Variants in TNNT3 observed in about 807,000 individuals in gnomAD.
TNNT3 encodes the protein troponin T3, fast skeletal type, also known as troponin T, fast skeletal muscle.
In TNNT3, 36 loss-of-function variants were observed where a neutral mutation model predicts 54.2. That is an observed-to-expected ratio of 0.66 (90% CI 0.51 to 0.88). The LOEUF (loss-of-function observed/expected upper bound fraction) is 0.88. TNNT3 is among the 40% of genes least tolerant of loss of function. The probability of loss-of-function intolerance (pLI) is 0.00; values close to 1 mark genes in which losing one functional copy is unlikely to be tolerated. For missense variants in TNNT3, 291 were observed against 331.6 expected, an observed-to-expected ratio of 0.88 and a Z score of 0.95; for synonymous variants, 120 against 109.7, an observed-to-expected ratio of 1.09 and a Z score of -0.59.
At chr11:1,935,188 A>G in intron 14 of TNNT3, 1 of 552,736 alleles carries the variant, frequency 1.8e-6, no homozygotes, top group East Asian at 3.2e-5. Context: ...CCCTGCCAAA[A>G]GGACTGTCGT....
In TNNT3 at chr11:1,937,010, A is replaced by G; in HGVS notation, c.722+7A>G. 1 of 1,598,044 alleles carries G rather than the reference A, an allele frequency of 6.3e-7. No homozygotes were observed. Among genetic ancestry groups the G allele is most frequent in the South Asian group, 1.1e-5 (1 of 88,794 alleles). ...TTGACCAGGCCCAGAAGCAGTGAGT[A>G]GCCCTGCCGTCCTCGCTCCGCACTG... On this transcript the variant is annotated splice_region_variant and intron_variant, in intron 15 of 15. Transcript: ENST00000278317.
intron 14 of TNNT3, chr11:1,935,457 G>A (rs753890831): frequency 6.5e-5 from 14 of 213,926 alleles, no homozygotes; most frequent in South Asian, 2.4e-4. Flanking sequence ...GACTGTGCCC[G>A]TCTGGGACGG....
chr11:1,923,676 C>A, intron 4 of TNNT3, 104 bp downstream of exon 4: 1 of 810,948 alleles, frequency 1.2e-6, no homozygotes, highest in South Asian at 1.4e-5. Context: ...TGCTCCAGGC[C>A]GCCTTGAGCT....
chr11:1,926,367 G>A, intron 5 of TNNT3: 1 of 1,460,734 alleles, frequency 6.8e-7, no homozygotes. Flanking sequence ...CCCACCCTCG[G>A]CCTCGAGTGG....
At chr11:1,934,756 C>A in intron 13 of TNNT3, 73 bp from the exon 14 acceptor site, 1 of 1,594,214 alleles carries the variant, frequency 6.3e-7, no homozygotes, top group Non-Finnish European at 8.6e-7. Context: ...CCAGTGGCTG[C>A]AGGAGGACTC....
chr11:1,937,756 ACCTCACGG>A (rs1855558229), intron 15 of TNNT3, among the ~76,000 whole-genome samples: 1 of 152,020 alleles, frequency 6.6e-6, no homozygotes, highest in South Asian at 2.1e-4. Context: ...GGTGCACGTG[ACCTCACGG>A]CCTCCCTGTT....
chr11:1,923,530 C>A (rs1160586204), intron 3 of TNNT3, 25 bp from the exon 4 acceptor site: 2 of 1,613,854 alleles, frequency 1.2e-6, no homozygotes, highest in African/African-American at 2.7e-5. Context: ...AACGTGGTTC[C>A]CCTCTTTGTT....
In TNNT3 at chr11:1,931,018, T is replaced by A. The variant is rs1187175527; in HGVS notation, c.125+1190T>A. On this transcript the variant is annotated intron_variant, in intron 8 of 15. Coordinates refer to ENST00000278317, the MANE Select transcript of TNNT3 (RefSeq NM_006757.4). ...ATGCATAGCGCTTGGAAAAAAAAGA[T>A]TTAAAGTCGGCCTTGTTTTTCAAAC... 3.3e-5 allele frequency among the ~76,000 whole-genome samples: 5 copies of A among 152,296 alleles called. No homozygotes were observed. The East Asian group carries it at 9.6e-4, about 29-fold the overall frequency.
At chr11:1,923,486 C>T (rs1850645433) in intron 3 of TNNT3, 69 bp from the exon 4 acceptor site, 1 of 1,555,300 alleles carries the variant, frequency 6.4e-7, no homozygotes, top group Non-Finnish European at 8.9e-7. Flanking sequence ...ACTGGCCTCT[C>T]ATCCTCCTCC....
intron 15 of TNNT3, among the ~76,000 whole-genome samples, chr11:1,937,806 A>G (rs1480630446): frequency 1.3e-5 from 2 of 152,060 alleles, no homozygotes; most frequent in African/African-American, 4.8e-5. Flanking sequence ...GACCCCTCTG[A>G]GGGTGGGCAG....
At chr11:1,932,375 A>G (rs1853640020) in intron 8 of TNNT3, 94 bp from the exon 9 acceptor site, 11 of 1,213,830 alleles carry the variant, frequency 9.1e-6, no homozygotes, top group Admixed American at 3.4e-5. Context: ...GGAGGGCACC[A>G]GGGTTGGCAG....
intron 7 of TNNT3, 110 bp downstream of exon 7, chr11:1,929,253 C>T: frequency 7.4e-7 from 1 of 1,346,142 alleles, no homozygotes; most frequent in South Asian, 1.2e-5. Flanking sequence ...TCCCTCTGTC[C>T]TCTTTCTCTT....
chr11:1,937,890 G>A (rs1855611038), intron 15 of TNNT3, among the ~76,000 whole-genome samples: 1 of 152,178 alleles, frequency 6.6e-6, no homozygotes. Flanking sequence ...GTGTGTGAGG[G>A]CACGGCCTTT....
At chr11:1,922,923 T>G (rs1468785228) in intron 2 of TNNT3, 32 bp downstream of exon 2, 1 of 1,613,806 alleles carries the variant, frequency 6.2e-7, no homozygotes, top group South Asian at 1.1e-5. Flanking sequence ...GCCCCCTGCC[T>G]GGCTCGGGAC....
intron 7 of TNNT3, 126 bp downstream of exon 7, chr11:1,929,269 G>C (rs1589945817): frequency 8.0e-7 from 1 of 1,256,032 alleles, no homozygotes; most frequent in East Asian, 2.3e-5. Context: ...CTCTTCCCCT[G>C]GCACGGGGGC....
At chr11:1,936,866 G>A (rs1035894452) in intron 14 of TNNT3, 97 bp from the exon 15 acceptor site, 10 of 1,350,946 alleles carry the variant, frequency 7.4e-6, no homozygotes, top group African/African-American at 7.2e-5. Context: ...CCTGGGTCGC[G>A]CAGCCCAGCC....
At chr11:1,931,280 G>A (rs1853269967) in intron 8 of TNNT3, among the ~76,000 whole-genome samples, 2 of 152,110 alleles carry the variant, frequency 1.3e-5, no homozygotes, top group Non-Finnish European at 1.5e-5. Context: ...GGTTATTTCC[G>A]TAGGCCACAT....
In TNNT3 at chr11:1,932,544, C is replaced by G. The variant is rs575836860; in HGVS notation, c.171+30C>G. 5.0e-6 allele frequency: 8 copies of G among 1,610,738 alleles called. No individual in the cohort carries two copies. In the South Asian group the frequency reaches 7.7e-5, roughly 15 times the overall value. Reference sequence around the variant, plus strand: ...GTTTACAGGACTCTGGTTAACATGTCCACGGTTTCCCCACACCCCAGCTTT... The same window carrying G: ...GTTTACAGGACTCTGGTTAACATGTGCACGGTTTCCCCACACCCCAGCTTT... On this transcript the variant is annotated intron_variant, in intron 9 of 15. Coordinates refer to ENST00000278317, the MANE Select transcript of TNNT3 (RefSeq NM_006757.4).
In TNNT3 at chr11:1,938,691, T is replaced by G; in HGVS notation, c.*199T>G. 1 of 689,804 alleles carries G rather than the reference T, an allele frequency of 1.4e-6. No individual in the cohort carries two copies. Among genetic ancestry groups the G allele is most frequent in the Non-Finnish European group, 2.6e-6 (1 of 377,420 alleles). 42.7% of individuals were successfully genotyped at this position (689,804 alleles called of 1,614,324 possible). The stretch of plus-strand genomic sequence containing the variant: ...ATCCCCTGGGGCCTGTGAATAAAGC[T>G]GCAGAACCCCCTTCACAGTCTGTAC... On this transcript the variant is annotated 3_prime_UTR_variant, in exon 16 of 16. Transcript: ENST00000278317.
Sources: allele counts gnomAD v4.1 joint callset (sites outside exome capture counted in the v4.1 genomes callset), GRCh38; gene constraint gnomAD v4.1.1; transcripts MANE v1.5; gene names NCBI Gene and HGNC (gene_info 2026-07-23, HGNC 2026-07-21).